The following PAQR5 variants were observed in gnomAD, a reference collection of about 807,000 sequenced individuals.
PAQR5 encodes progestin and adipoQ receptor family member 5, also known as membrane progestin receptor gamma.
Under a neutral mutation model 34.5 loss-of-function variants are expected in PAQR5, and 20 were observed. The observed-to-expected ratio is 0.58, with a 90% CI of 0.41 to 0.84. The LOEUF (loss-of-function observed/expected upper bound fraction) is 0.84. Ranked by LOEUF, PAQR5 falls within the 40% of genes least tolerant of loss-of-function variation. The pLI is 0.00. For missense variants in PAQR5, 378 were observed against 412.7 expected (o/e 0.92, Z 0.73); for synonymous variants, 131 against 155.6 (o/e 0.84, Z 1.18).
At chr15:69,387,847 C>G (rs949413860) in intron 5 of PAQR5, among the ~76,000 whole-genome samples, 1 of 152,188 alleles carries the variant, frequency 6.6e-6, no homozygotes, top group Non-Finnish European at 1.5e-5. Flanking sequence ...CTGCAGGCTG[C>G]ACCACGGGAG....
Position 69,382,706 on chromosome 15 carries a change from G to GTATGTATA in PAQR5, c.180-1964_180-1963insATATGTAT, listed in dbSNP as rs1567032627. ...TATATATATATATATATATATATAT[G>GTATGTATA]TATGTATGTATATATGTATGTATAT... On this transcript the variant is annotated intron_variant, in intron 4 of 8. Coordinates refer to ENST00000395407, the MANE Select transcript of PAQR5 (RefSeq NM_017705.4). 67 of 98,700 alleles carry GTATGTATA rather than the reference G, an allele frequency of 6.8e-4. No homozygotes were observed. In the East Asian group the frequency reaches 7.3e-3, roughly 11 times the overall value. 6.1% of individuals were successfully genotyped at this position (98,700 alleles called of 1,614,324 possible).
chr15:69,384,785 T>A lies in PAQR5; in HGVS notation c.288T>A (p.Leu96=), dbSNP rs374892696. ...VYMCTSCVYP[L]VSSCAHTFSS... is the part of the protein sequence containing the mutation. ...TGTGCACCAGCTGCGTGTACCCACT[T>A]GTGTCCAGCTGTGCGCACACCTTCA... The change falls in exon 5 of 9, where the codon CTT becomes CTA. Residue 96 remains leucine (L), a synonymous_variant. Coordinates refer to ENST00000395407, the MANE Select transcript of PAQR5 (RefSeq NM_017705.4). 1.0e-4 allele frequency: 168 copies of A among 1,613,854 alleles called. No individual in the cohort carries two copies. The highest frequency in any genetic ancestry group is 1.3e-4 in the Non-Finnish European group (150 of 1,179,834).
intron 6 of PAQR5, chr15:69,391,803 T>G (rs529000808): frequency 4.9e-6 from 2 of 407,568 alleles, no homozygotes; most frequent in African/African-American, 2.1e-5. Flanking sequence ...ACACCTGTAA[T>G]CCCAGCATTT....
chr15:69,404,038 C>T lies in PAQR5; in HGVS notation c.*216C>T, dbSNP rs2056713796. ...GTGATTTTAAAAGGAGAATATGGTT[C>T]AAGCAAGTCCTTGTTAAGGCAAACT... On this transcript the variant is annotated 3_prime_UTR_variant, in exon 9 of 9. Coordinates refer to ENST00000395407, the MANE Select transcript of PAQR5 (RefSeq NM_017705.4). 1.9e-6 allele frequency: 1 copy of T among 519,960 alleles called. No individual in the cohort carries two copies. The highest frequency in any genetic ancestry group is 3.7e-5 in the Admixed American group (1 of 27,360). The allele number at this position is 519,960 out of a possible 1,614,324, so 32.2% of individuals were successfully genotyped here.
intron 1 of PAQR5, among the ~76,000 whole-genome samples, chr15:69,323,191 A>G (rs189148302): frequency 2.2e-3 from 342 of 152,326 alleles, no homozygotes; most frequent in South Asian, 3.5e-3. Flanking sequence ...TCTGTCCACT[A>G]GGCCAAGAGT....
chr15:69,300,387 G>T (rs1467435314), intron 1 of PAQR5, among the ~76,000 whole-genome samples: 3 of 152,094 alleles, frequency 2.0e-5, no homozygotes, highest in Non-Finnish European at 4.4e-5. Context: ...GCCTGCAACA[G>T]CAAAGCTTCT....
At chr15:69,369,315 C>A (rs985033441) in intron 3 of PAQR5, among the ~76,000 whole-genome samples, 2 of 152,102 alleles carry the variant, frequency 1.3e-5, no homozygotes, top group Non-Finnish European at 1.5e-5. Flanking sequence ...GCAGGTGGAT[C>A]ACCTGAGGTC....
At chr15:69,305,093 C>G (rs921218454) in intron 1 of PAQR5, among the ~76,000 whole-genome samples, 1 of 152,152 alleles carries the variant, frequency 6.6e-6, no homozygotes, top group African/African-American at 2.4e-5. Flanking sequence ...CTTTCGGTAC[C>G]GGATAATTCT....
At chr15:69,364,010 C>T (rs1435388709) in intron 3 of PAQR5, among the ~76,000 whole-genome samples, 1 of 152,168 alleles carries the variant, frequency 6.6e-6, no homozygotes, top group Non-Finnish European at 1.5e-5. Context: ...TCCAGACTTG[C>T]ACTGCAGCTC....
chr15:69,308,693 A>G (rs896222970), intron 1 of PAQR5, among the ~76,000 whole-genome samples: 2 of 152,140 alleles, frequency 1.3e-5, no homozygotes, highest in Admixed American at 1.3e-4. Flanking sequence ...TGAATTCCAG[A>G]AGATAGATAA....
rs1464799427 is a variant in PAQR5, at chr15:69,324,104, T to C, written c.-276-13237T>C. Among the ~76,000 whole-genome samples, 7 of 143,528 alleles carry C rather than the reference T, an allele frequency of 4.9e-5. No homozygotes were observed. In the Admixed American group the frequency reaches 5.0e-4, roughly 10 times the overall value. 94.2% of individuals were successfully genotyped at this position (143,528 alleles called of 152,430 possible). On this transcript the variant is annotated intron_variant, in intron 1 of 8. Transcript: ENST00000395407. ...TGTAATAATCGTCTAGCAGTAAATA[T>C]TTAGAATAGCTGGGATAGCTAGGGC... is the stretch of plus-strand genomic sequence containing the variant.
intron 1 of PAQR5, among the ~76,000 whole-genome samples, chr15:69,335,613 G>A (rs181928749): frequency 5.0e-4 from 64 of 129,178 alleles, no homozygotes; most frequent in Non-Finnish European, 8.0e-4. Flanking sequence ...GCAGTGGCAC[G>A]ATCTTGGCTC....
intron 1 of PAQR5, among the ~76,000 whole-genome samples, chr15:69,314,180 C>A (rs977723908): frequency 4.6e-5 from 7 of 151,614 alleles, no homozygotes; most frequent in Non-Finnish European, 2.9e-5. Flanking sequence ...TAGAACCTGA[C>A]TAATCATTTT....
At chr15:69,382,655 A>G (rs1169863855) in intron 4 of PAQR5, among the ~76,000 whole-genome samples, 2 of 79,666 alleles carry the variant, frequency 2.5e-5, no homozygotes, top group Non-Finnish European at 2.4e-5. Context: ...AAAAAAAAAA[A>G]AAGCATATAT....
chr15:69,329,431 A>G (rs776216888), intron 1 of PAQR5, among the ~76,000 whole-genome samples: 10 of 143,548 alleles, frequency 7.0e-5, no homozygotes, highest in Middle Eastern at 3.7e-3. Context: ...TAAATTATAT[A>G]TGTATATTTT....
chr15:69,343,765 G>C (rs946210334), intron 2 of PAQR5, among the ~76,000 whole-genome samples: 3 of 152,150 alleles, frequency 2.0e-5, no homozygotes, highest in Admixed American at 1.3e-4. Flanking sequence ...ATGACTTCCA[G>C]CTGATAGATA....
In PAQR5 at chr15:69,301,859, A is replaced by ATTTT. The variant is rs71149903; in HGVS notation, c.-277+2837_-277+2840dup. Among the ~76,000 whole-genome samples, 366 of 98,814 alleles carry ATTTT rather than the reference A, an allele frequency of 3.7e-3. 44 individuals carry two copies. Among genetic ancestry groups the ATTTT allele is most frequent in the African/African-American group, 0.013 (228 of 17,258 alleles). The allele number at this position is 98,814 out of a possible 152,430, so 64.8% of individuals were successfully genotyped here. On this transcript the variant is annotated intron_variant, in intron 1 of 8. Transcript: ENST00000395407. ...GTGAATTCATAAGAAATGGGGGGAG[A>ATTTT]TTTTTTTTTTTTTTTTTTTTTTTTT...
chr15:69,321,958 G>T (rs2054106222), intron 1 of PAQR5, among the ~76,000 whole-genome samples: 1 of 152,190 alleles, frequency 6.6e-6, no homozygotes, highest in African/African-American at 2.4e-5. Flanking sequence ...AGATACCCTT[G>T]TACTGGAACC....
At chr15:69,399,506 G>A (rs1326061120) in intron 7 of PAQR5, among the ~76,000 whole-genome samples, 3 of 152,202 alleles carry the variant, frequency 2.0e-5, no homozygotes, top group African/African-American at 7.2e-5. Context: ...GTTTGGGGGA[G>A]TCAAAAGTTG....
Sources: gnomAD v4.1 joint callset for allele counts (sites outside exome capture counted in the v4.1 genomes callset) on GRCh38, gnomAD v4.1.1 for gene constraint, MANE v1.5 for transcripts, NCBI Gene and HGNC (gene_info 2026-07-23, HGNC 2026-07-21) for gene names.